Variants in TAF4B observed in about 807,000 individuals in gnomAD.
TAF4B encodes the protein TATA-box binding protein associated factor 4b.
Under a neutral mutation model 86.4 loss-of-function variants are expected in TAF4B, and 38 were observed. The observed-to-expected ratio is 0.44, with a 90% CI of 0.34 to 0.58. The LOEUF (loss-of-function observed/expected upper bound fraction) is 0.58. TAF4B is among the 20% of genes least tolerant of loss of function. The pLI, the probability that TAF4B is intolerant of heterozygous loss-of-function variation, is 0.02. For synonymous variants in TAF4B, 388 were observed against 391.2 expected, an observed-to-expected ratio of 0.99 and a Z score of 0.10; for missense variants, 988 against 1,027.6, an observed-to-expected ratio of 0.96 and a Z score of 0.53.
At chr18:26,311,983 T>G (rs899281415) in intron 9 of TAF4B, among the ~76,000 whole-genome samples, 1 of 152,188 alleles carries the variant, frequency 6.6e-6, no homozygotes, top group African/African-American at 2.4e-5. Context: ...TTGTGATAAA[T>G]TAGTGATATT....
intron 1 of TAF4B, among the ~76,000 whole-genome samples, chr18:26,251,671 G>A (rs189078740): frequency 1.3e-5 from 2 of 152,262 alleles, no homozygotes; most frequent in East Asian, 3.9e-4. Flanking sequence ...ATTGGAAAAA[G>A]TGAGTCTCAG....
intron 1 of TAF4B, among the ~76,000 whole-genome samples, chr18:26,262,771 A>G (rs984293564): frequency 2.0e-5 from 3 of 152,112 alleles, no homozygotes; most frequent in African/African-American, 7.2e-5. Context: ...GTGAGCTACC[A>G]TACCTGACCG....
intron 9 of TAF4B, among the ~76,000 whole-genome samples, chr18:26,303,050 A>G (rs2056754342): frequency 7.2e-6 from 1 of 138,506 alleles, no homozygotes; most frequent in African/African-American, 2.6e-5. Context: ...TTCTTCCTCC[A>G]CTTTCATACC....
In TAF4B at chr18:26,388,670, A is replaced by T. The variant is rs534881257; in HGVS notation, c.2422-1175A>T. Among the ~76,000 whole-genome samples the T allele has an allele frequency of 2.6e-5, 4 of 152,368 alleles. No homozygotes were observed. The South Asian group carries it at 8.3e-4, about 32-fold the overall frequency. On this transcript the variant is annotated intron_variant, in intron 14 of 14. Transcript: ENST00000269142. ...ATCTCTGCCTATTGGCAGAGGAGCC[A>T]TGTGGCTGCAGTTAAGATGTCTTGT...
In TAF4B at chr18:26,335,196, C is replaced by G. The variant is rs749829478; in HGVS notation, c.2281C>G (p.Pro761Ala). ...AAKSRSNKED[P>A]EQLRLKQKAK... ...ATAGAGTCGTTCTAATAAAGAAGATCCAGAACAGCTGAGATTAAAGCAGAA... is the reference window on the plus strand; with the variant it reads ...ATAGAGTCGTTCTAATAAAGAAGATGCAGAACAGCTGAGATTAAAGCAGAA... The change falls in exon 13 of 15, where the codon CCA becomes GCA. Residue 761 changes from proline to alanine, a missense_variant. By Grantham distance (27) the Pro-to-Ala change is conservative (BLOSUM62 -1). Transcript: ENST00000269142. The G allele has an allele frequency of 6.5e-7, 1 of 1,545,526 alleles. No homozygotes were observed. The highest frequency in any genetic ancestry group is 8.8e-7 in the Non-Finnish European group (1 of 1,133,242).
intron 1 of TAF4B, among the ~76,000 whole-genome samples, chr18:26,240,264 C>T (rs2055816530): frequency 1.3e-5 from 2 of 152,174 alleles, no homozygotes; most frequent in Non-Finnish European, 2.9e-5. Context: ...TTTCATTGAG[C>T]AGTGGTTTGT....
At position 26,361,744 on chromosome 18, in the gene TAF4B, C is replaced by CAA. The variant is rs112740348; in HGVS notation, c.2421+3970_2421+3971dup. Among the ~76,000 whole-genome samples, 127 of 77,896 alleles carry CAA rather than the reference C, an allele frequency of 1.6e-3. 1 individual carries two copies. The highest frequency in any genetic ancestry group is 2.2e-3 in the Non-Finnish European group (84 of 37,600). The allele number at this position is 77,896 out of a possible 152,430, so 51.1% of individuals were successfully genotyped here. A position where few individuals can be genotyped will look rare whatever the true frequency, so the allele number is the denominator to read the frequency against. ...TGAGCAACAGAGTGAGACTCCGTCT[C>CAA]AAAAAAAAAAAAAAAAAAAAAGTAT... On this transcript the variant is annotated intron_variant, in intron 14 of 14. Transcript: ENST00000269142.
At chr18:26,340,172 C>T (rs578223857) in intron 13 of TAF4B, among the ~76,000 whole-genome samples, 1 of 152,202 alleles carries the variant, frequency 6.6e-6, no homozygotes, top group Non-Finnish European at 1.5e-5. Context: ...ACTGTTGGTG[C>T]AATTCTTCAT....
intron 14 of TAF4B, among the ~76,000 whole-genome samples, chr18:26,381,254 A>T (rs945580728): frequency 6.6e-5 from 10 of 151,422 alleles, no homozygotes; most frequent in African/African-American, 2.2e-4. Flanking sequence ...GGCTCAAGGG[A>T]CCTGCCTGCC....
intron 9 of TAF4B, among the ~76,000 whole-genome samples, chr18:26,305,595 C>T (rs1049452391): frequency 2.6e-5 from 4 of 152,022 alleles, no homozygotes; most frequent in South Asian, 2.1e-4. Flanking sequence ...TTAGTAGAGA[C>T]GGGGTTTCAT....
intron 14 of TAF4B, among the ~76,000 whole-genome samples, chr18:26,371,363 C>T (rs2057404813): frequency 6.6e-6 from 1 of 152,140 alleles, no homozygotes; most frequent in African/African-American, 2.4e-5. Flanking sequence ...CTAATTCTTA[C>T]CATTTCCTTA....
intron 3 of TAF4B, among the ~76,000 whole-genome samples, chr18:26,270,205 T>C (rs1434522950): frequency 6.6e-6 from 1 of 152,246 alleles, no homozygotes; most frequent in East Asian, 1.9e-4. Flanking sequence ...CTGGGATAAC[T>C]GAAGGAACTC....
chr18:26,255,343 C>T (rs2056066391), intron 1 of TAF4B, among the ~76,000 whole-genome samples: 1 of 152,020 alleles, frequency 6.6e-6, no homozygotes, highest in Non-Finnish European at 1.5e-5. Context: ...CAAAACTACT[C>T]TAGAAATTGT....
chr18:26,308,219 A>G (rs1040074988), intron 9 of TAF4B, among the ~76,000 whole-genome samples: 6 of 152,136 alleles, frequency 3.9e-5, no homozygotes, highest in African/African-American at 7.2e-5. Context: ...GCACCGCTGC[A>G]CTCCAGCCTG....
intron 7 of TAF4B, among the ~76,000 whole-genome samples, chr18:26,291,320 G>A (rs971772009): frequency 6.6e-6 from 1 of 151,856 alleles, no homozygotes; most frequent in Non-Finnish European, 1.5e-5. Flanking sequence ...GAGTGCAGTG[G>A]TGCAATCTCA....
chr18:26,344,798 CAGAG>C (rs57394336), intron 13 of TAF4B, among the ~76,000 whole-genome samples: 16,852 of 152,090 alleles, frequency 0.11, 954 homozygotes, highest in Middle Eastern at 0.14. Context: ...ACTAGAATGT[CAGAG>C]AGAGCGCTGG....
chr18:26,343,840 A>G (rs1239819618), intron 13 of TAF4B, among the ~76,000 whole-genome samples: 1 of 152,216 alleles, frequency 6.6e-6, no homozygotes, highest in Admixed American at 6.5e-5. Context: ...CCCCATGTAT[A>G]CCAAGGGACG....
At chr18:26,288,885 G>A (rs1307215150) in intron 7 of TAF4B, among the ~76,000 whole-genome samples, 1 of 152,078 alleles carries the variant, frequency 6.6e-6, no homozygotes, top group African/African-American at 2.4e-5. Flanking sequence ...AAATTTTAGG[G>A]TTTTTTTACT....
intron 13 of TAF4B, among the ~76,000 whole-genome samples, chr18:26,341,525 A>G (rs2057135864): frequency 6.6e-6 from 1 of 152,152 alleles, no homozygotes; most frequent in South Asian, 2.1e-4. Context: ...GGTTTAAGTT[A>G]AAGAGAGAAG....
Sources: allele counts gnomAD v4.1 joint callset (sites outside exome capture counted in the v4.1 genomes callset), GRCh38; gene constraint gnomAD v4.1.1; transcripts MANE v1.5; gene names NCBI Gene and HGNC (gene_info 2026-07-23, HGNC 2026-07-21).